Variants in COMMD10 observed in about 807,000 individuals in gnomAD.
COMMD10 encodes COMM domain-containing protein 10.
COMMD10 carries 33 observed loss-of-function variants against 28.9 expected under a neutral mutation model. The ratio of observed to expected loss-of-function variants is 1.14; its 90% CI spans 0.87 to 1.53. The LOEUF is 1.53. COMMD10 is among the 40% of genes most tolerant of loss of function. The pLI is 0.00. For synonymous variants in COMMD10, 110 were observed against 81.7 expected, an observed-to-expected ratio of 1.35 and a Z score of -1.87; for missense variants, 310 against 233.4, an observed-to-expected ratio of 1.33 and a Z score of -2.14.
intron 3 of COMMD10, among the ~76,000 whole-genome samples, chr5:116,092,335 C>T (rs1454793804): frequency 2.0e-5 from 3 of 152,100 alleles, no homozygotes; most frequent in Non-Finnish European, 2.9e-5. Context: ...GAAAAAAATT[C>T]ATCTTGAATA....
intron 4 of COMMD10, among the ~76,000 whole-genome samples, chr5:116,110,632 C>T (rs942219972): frequency 6.6e-6 from 1 of 152,108 alleles, no homozygotes; most frequent in African/African-American, 2.4e-5. Context: ...CACAGAAATA[C>T]CTGTGACTGG....
chr5:116,267,010 G>A (rs1002638184), intron 5 of COMMD10, among the ~76,000 whole-genome samples: 2 of 151,804 alleles, frequency 1.3e-5, no homozygotes, highest in Admixed American at 1.3e-4. Context: ...GACAAAAACT[G>A]GAAGCATTCC....
chr5:116,102,057 A>T (rs944945780), intron 4 of COMMD10, among the ~76,000 whole-genome samples: 3 of 152,092 alleles, frequency 2.0e-5, no homozygotes, highest in Non-Finnish European at 4.4e-5. Context: ...AAATCTTCTT[A>T]GTTTAACTAA....
chr5:116,252,324 T>G (rs1419054784), intron 5 of COMMD10, among the ~76,000 whole-genome samples: 1 of 143,046 alleles, frequency 7.0e-6, no homozygotes, highest in Admixed American at 7.2e-5. Flanking sequence ...TTTGTCAATT[T>G]TGGCTTTTGT....
intron 4 of COMMD10, among the ~76,000 whole-genome samples, chr5:116,123,249 A>T (rs1322759732): frequency 1.3e-5 from 2 of 152,108 alleles, no homozygotes; most frequent in African/African-American, 4.8e-5. Context: ...TACCATCGAT[A>T]CCTAATTTAT....
At chr5:116,226,966 C>G (rs983238396) in intron 5 of COMMD10, among the ~76,000 whole-genome samples, 2 of 152,020 alleles carry the variant, frequency 1.3e-5, no homozygotes, top group African/African-American at 2.4e-5. Context: ...CATATGAGTT[C>G]ATATTATTTT....
At chr5:116,242,118 A>G (rs1274505148) in intron 5 of COMMD10, among the ~76,000 whole-genome samples, 1 of 152,204 alleles carries the variant, frequency 6.6e-6, no homozygotes, top group African/African-American at 2.4e-5. Flanking sequence ...ATGAAGGTGA[A>G]TGCCGATAGC....
chr5:116,134,200 A>G, intron 5 of COMMD10, 22 bp downstream of exon 5: 1 of 1,354,988 alleles, frequency 7.4e-7, no homozygotes. Flanking sequence ...TATCCCATTA[A>G]AAGGATGTAT....
intron 5 of COMMD10, among the ~76,000 whole-genome samples, chr5:116,136,426 C>G (rs1186293042): frequency 6.6e-6 from 1 of 152,080 alleles, no homozygotes; most frequent in African/African-American, 2.4e-5. Flanking sequence ...AATGTTAAGT[C>G]TGCGTAGCTA....
intron 5 of COMMD10, among the ~76,000 whole-genome samples, chr5:116,234,891 G>A (rs1041744209): frequency 1.3e-5 from 2 of 152,152 alleles, no homozygotes; most frequent in Non-Finnish European, 2.9e-5. Flanking sequence ...GGGAAAAAGG[G>A]TGACAGCTCT....
rs765538117 is a variant in COMMD10 at position 116,085,065 on chromosome 5, G to A, written c.13G>A (p.Ala5Thr). 28 of 1,609,598 alleles carry A rather than the reference G, an allele frequency of 1.7e-5. No individual in the cohort carries two copies. The African/African-American group carries it at 2.5e-4, about 15-fold the overall frequency. ...GAGAAAGCCGAAGATGGCGGTCCCC[G>A]CGGCGCTGATCCTACGGGAGAGCCC... The part of the protein sequence containing the change: MAVP[A>T]ALILRESPSM... The change falls in exon 1 of 7, where the codon GCG becomes ACG. Residue 5 changes from alanine (A) to threonine (T), a missense_variant. Physicochemically the swap from Ala to Thr is moderately conservative, Grantham distance 58. Coordinates refer to ENST00000274458, the MANE Select transcript of COMMD10 (RefSeq NM_016144.4).
chr5:116,289,474 A>G (rs2112716853), intron 5 of COMMD10, among the ~76,000 whole-genome samples: 1 of 151,864 alleles, frequency 6.6e-6, no homozygotes, highest in African/African-American at 2.4e-5. Context: ...TCCCTCTGGC[A>G]CCTGCCCGTG....
chr5:116,171,757 T>G (rs1173966083), intron 5 of COMMD10, among the ~76,000 whole-genome samples: 1 of 151,904 alleles, frequency 6.6e-6, no homozygotes, highest in Non-Finnish European at 1.5e-5. Context: ...ATGCTCTCAC[T>G]CATAAGGGGG....
At chr5:116,128,410 A>T (rs1012929395) in intron 4 of COMMD10, among the ~76,000 whole-genome samples, 7 of 152,054 alleles carry the variant, frequency 4.6e-5, no homozygotes, top group African/African-American at 1.4e-4. Context: ...AGGACATTAA[A>T]GTGTAAGGAC....
chr5:116,173,989 C>G (rs796565567), intron 5 of COMMD10, among the ~76,000 whole-genome samples: 1 of 151,910 alleles, frequency 6.6e-6, no homozygotes, highest in Non-Finnish European at 1.5e-5. Context: ...GTAACCAAAG[C>G]AAAGTCCTTC....
At chr5:116,268,182 ATGTT>A (rs1298417580) in intron 5 of COMMD10, among the ~76,000 whole-genome samples, 2 of 151,944 alleles carry the variant, frequency 1.3e-5, no homozygotes, top group Non-Finnish European at 2.9e-5. Context: ...ATGGAAGAAA[ATGTT>A]TGCAATCTAC....
At chr5:116,106,370 C>A (rs1031182381) in intron 4 of COMMD10, among the ~76,000 whole-genome samples, 1 of 152,050 alleles carries the variant, frequency 6.6e-6, no homozygotes, top group African/African-American at 2.4e-5. Context: ...GATTTCTGTT[C>A]TTTTGCATTT....
chr5:116,122,764 A>G (rs192766581), intron 4 of COMMD10, among the ~76,000 whole-genome samples: 9 of 152,226 alleles, frequency 5.9e-5, no homozygotes, highest in African/African-American at 1.9e-4. Flanking sequence ...GAGTTCACTC[A>G]TGATTTGGCT....
At chr5:116,278,787 G>A (rs371278865) in intron 5 of COMMD10, among the ~76,000 whole-genome samples, 16 of 151,696 alleles carry the variant, frequency 1.1e-4, no homozygotes, top group Non-Finnish European at 1.8e-4. Context: ...CAAGTGTGAG[G>A]TGCTACCTTT....
Sources: gnomAD v4.1 joint callset for allele counts (sites outside exome capture counted in the v4.1 genomes callset) on GRCh38, gnomAD v4.1.1 for gene constraint, MANE v1.5 for transcripts, NCBI Gene and HGNC (gene_info 2026-07-23, HGNC 2026-07-21) for gene names.